TTBK2: variants seen among roughly 807,000 people sequenced by gnomAD.
The protein encoded by TTBK2 is tau-tubulin kinase 2.
Under a neutral mutation model 110.8 loss-of-function variants are expected in TTBK2, and 28 were observed. The ratio of observed to expected loss-of-function variants is 0.25; its 90% confidence interval spans 0.19 to 0.35. The LOEUF (loss-of-function observed/expected upper bound fraction) is 0.35. TTBK2 is among the 10% of genes least tolerant of loss of function. TTBK2 has a pLI of 1.00. For missense variants in TTBK2, 1,369 were observed against 1,500.3 expected (o/e 0.91, Z 1.45); for synonymous variants, 532 against 527.3 (o/e 1.01, Z -0.12).
At chr15:42,785,357 G>C (rs534447001) in intron 10 of TTBK2, among the ~76,000 whole-genome samples, 7 of 152,120 alleles carry the variant, frequency 4.6e-5, no homozygotes, top group Non-Finnish European at 8.8e-5. Context: ...CTGGCCCCAA[G>C]TGATCCACCC....
chr15:42,876,425 C>T (rs1894821846), intron 2 of TTBK2, among the ~76,000 whole-genome samples: 1 of 152,126 alleles, frequency 6.6e-6, no homozygotes, highest in Non-Finnish European at 1.5e-5. Flanking sequence ...TTACTATAAT[C>T]CTCTCACCAA....
At chr15:42,807,403 CTATTAT>C (rs533415613) in intron 9 of TTBK2, among the ~76,000 whole-genome samples, 23 of 151,040 alleles carry the variant, frequency 1.5e-4, no homozygotes, top group South Asian at 6.3e-4. Flanking sequence ...TCACGTGATC[CTATTAT>C]TATTATTATT....
At chr15:42,845,919 C>T (rs1352727546) in intron 3 of TTBK2, among the ~76,000 whole-genome samples, 1 of 152,036 alleles carries the variant, frequency 6.6e-6, no homozygotes, top group South Asian at 2.1e-4. Flanking sequence ...AGTTATACCA[C>T]AACGGTTAAG....
chr15:42,801,403 T>C (rs1158959185), intron 9 of TTBK2: 18 of 1,191,786 alleles, frequency 1.5e-5, no homozygotes, highest in Non-Finnish European at 2.3e-5. Context: ...CGCTGCTCGG[T>C]ATCTGCGTGG....
rs146158919 is a variant in TTBK2 at position 42,901,420 on chromosome 15, G to A, written c.-68+19018C>T. On this transcript the variant is annotated intron_variant, in intron 1 of 14. Coordinates refer to ENST00000267890, the MANE Select transcript of TTBK2 (RefSeq NM_173500.4). Reference sequence around the variant, plus strand: ...GGTAATGTATTCAGACAATGGATTTGACAATAATTTCTTGGATATAATACC... The same window carrying A: ...GGTAATGTATTCAGACAATGGATTTAACAATAATTTCTTGGATATAATACC... Among the ~76,000 whole-genome samples, 540 of 151,736 alleles carry A rather than the reference G, an allele frequency of 3.6e-3. 4 individuals carry two copies. The highest frequency in any genetic ancestry group is 0.012 in the African/African-American group (515 of 41,426).
intron 1 of TTBK2, among the ~76,000 whole-genome samples, chr15:42,881,282 CAAAAAAAAAA>C (rs10717895): frequency 2.3e-5 from 1 of 43,470 alleles, no homozygotes; most frequent in Non-Finnish European, 4.3e-5. Flanking sequence ...GCTTCCGTCT[CAAAAAAAAAA>C]AAAAAAAAAA....
intron 3 of TTBK2, chr15:42,871,414 G>C: frequency 1.0e-6 from 1 of 984,376 alleles, no homozygotes; most frequent in Non-Finnish European, 1.2e-6. Context: ...AGAACCTCCT[G>C]AAGGGGTGGC....
At chr15:42,771,752 T>C (rs1382997640) in intron 13 of TTBK2, among the ~76,000 whole-genome samples, 1 of 152,124 alleles carries the variant, frequency 6.6e-6, no homozygotes, top group Non-Finnish European at 1.5e-5. Flanking sequence ...CTTTTCTCGA[T>C]CTCTAAGAAA....
At chr15:42,870,994 A>C (rs920646524) in intron 3 of TTBK2, among the ~76,000 whole-genome samples, 2 of 152,190 alleles carry the variant, frequency 1.3e-5, no homozygotes, top group African/African-American at 4.8e-5. Context: ...GGGATCATTC[A>C]GTAAGAAGTC....
intron 9 of TTBK2, among the ~76,000 whole-genome samples, chr15:42,806,959 G>A (rs1307288613): frequency 1.3e-5 from 2 of 152,108 alleles, no homozygotes; most frequent in Admixed American, 6.5e-5. Context: ...GCTTTAGAAA[G>A]AGACCTTCCT....
intron 4 of TTBK2, among the ~76,000 whole-genome samples, chr15:42,833,602 G>A: frequency 6.6e-6 from 1 of 152,118 alleles, no homozygotes; most frequent in East Asian, 1.9e-4. Flanking sequence ...GCCAGGTGTG[G>A]TGGCTCACAT....
intron 1 of TTBK2, among the ~76,000 whole-genome samples, chr15:42,897,767 T>C (rs1038673393): frequency 6.6e-6 from 1 of 151,814 alleles, no homozygotes; most frequent in Admixed American, 6.6e-5. Flanking sequence ...ACAGAAGATG[T>C]ACAAGAGGTA....
intron 3 of TTBK2, among the ~76,000 whole-genome samples, chr15:42,849,147 GCT>G (rs1253381589): frequency 2.6e-5 from 4 of 151,618 alleles, no homozygotes; most frequent in South Asian, 4.2e-4. Context: ...GGTCACTGAG[GCT>G]CTGTTTTTTT....
chr15:42,818,338 G>A (rs1372576793), intron 6 of TTBK2, among the ~76,000 whole-genome samples: 1 of 152,184 alleles, frequency 6.6e-6, no homozygotes, highest in Admixed American at 6.6e-5. Flanking sequence ...TACAAATATA[G>A]ATATAGGCTC....
chr15:42,812,500 G>A (rs1567038344), intron 7 of TTBK2, among the ~76,000 whole-genome samples: 1 of 152,068 alleles, frequency 6.6e-6, no homozygotes, highest in Non-Finnish European at 1.5e-5. Flanking sequence ...ATGCCCTGCA[G>A]GAATGACAGA....
chr15:42,787,089 G>A (rs958332150), intron 10 of TTBK2, among the ~76,000 whole-genome samples: 7 of 152,052 alleles, frequency 4.6e-5, no homozygotes, highest in African/African-American at 7.2e-5. Context: ...ATAATCTAAG[G>A]CAAACTAGTG....
At chr15:42,828,935 T>C (rs970577858) in intron 5 of TTBK2, among the ~76,000 whole-genome samples, 5 of 152,168 alleles carry the variant, frequency 3.3e-5, no homozygotes, top group Non-Finnish European at 5.9e-5. Context: ...AAAAGCCAAA[T>C]TGTTACCAGA....
intron 6 of TTBK2, among the ~76,000 whole-genome samples, chr15:42,818,670 A>C (rs761853790): frequency 9.8e-4 from 149 of 152,238 alleles, no homozygotes; most frequent in Non-Finnish European, 1.6e-3. Context: ...AAGTGAGCGG[A>C]GATCGCGCCA....
rs1253737438 is a variant in TTBK2, at chr15:42,752,747, C to A, written c.2499G>T (p.Val833=). The part of the protein sequence containing the change: ...LDVTKTQTFS[V]VPNQDKNNEI... ...CATTATTTTTGTCTTGATTTGGCAC[C>A]ACACTAAAAGTCTGTGTTTTTGTCA... The change falls in exon 14 of 15, where the codon GTG becomes GTT. Residue 833 remains valine (V), a synonymous_variant. Coordinates refer to ENST00000267890, the MANE Select transcript of TTBK2 (RefSeq NM_173500.4). The A allele has an allele frequency of 1.2e-5, 19 of 1,614,112 alleles. No homozygotes were observed. The highest frequency in any genetic ancestry group is 1.6e-5 in the Non-Finnish European group (19 of 1,180,026).
Sources: gnomAD v4.1 joint callset for allele counts (sites outside exome capture counted in the v4.1 genomes callset) on GRCh38, gnomAD v4.1.1 for gene constraint, MANE v1.5 for transcripts, NCBI Gene and HGNC (gene_info 2026-07-23, HGNC 2026-07-21) for gene names.